WDFY3: variants seen among roughly 807,000 people sequenced by gnomAD.
WDFY3 encodes the protein WD repeat and FYVE domain containing 3.
In WDFY3, 66 loss-of-function variants were observed where a neutral mutation model predicts 409.6. That is an observed-to-expected ratio of 0.16 (90% CI 0.13 to 0.20). The LOEUF is 0.20. Ranked by LOEUF, WDFY3 falls within the 10% of genes least tolerant of loss-of-function variation. WDFY3 has a pLI of 1.00. For missense variants in WDFY3, 3,031 were observed against 4,298.1 expected, an observed-to-expected ratio of 0.71 and a Z score of 8.24; for synonymous variants, 1,521 against 1,537.1, an observed-to-expected ratio of 0.99 and a Z score of 0.25.
At chr4:84,840,243 G>A (rs1438081491) in intron 6 of WDFY3, among the ~76,000 whole-genome samples, 1 of 152,092 alleles carries the variant, frequency 6.6e-6, no homozygotes, top group Non-Finnish European at 1.5e-5. Context: ...ATGAGCACAT[G>A]CAACATATTT....
At chr4:84,704,285 T>G in intron 55 of WDFY3, 53 bp downstream of exon 55, 1 of 1,290,564 alleles carries the variant, frequency 7.7e-7, no homozygotes, top group Non-Finnish European at 1.1e-6. Context: ...GGTGACATTT[T>G]AGATAGAAGT....
chr4:84,873,773 G>T (rs1478189729), intron 3 of WDFY3, among the ~76,000 whole-genome samples: 1 of 149,724 alleles, frequency 6.7e-6, no homozygotes, highest in Non-Finnish European at 1.5e-5. Flanking sequence ...GTTTTTTTGT[G>T]TTTTTTTTTT....
At chr4:84,806,693 G>A (rs140104694) in intron 15 of WDFY3, among the ~76,000 whole-genome samples, 91 of 152,074 alleles carry the variant, frequency 6.0e-4, no homozygotes, top group Non-Finnish European at 1.0e-3. Context: ...TGCAACCTCC[G>A]CCTCCTTCGT....
In WDFY3 at chr4:84,740,351, C is replaced by T; in HGVS notation, c.6300G>A (p.Leu2100=). The T allele has an allele frequency of 1.2e-6, 2 of 1,614,070 alleles. No homozygotes were observed. Among genetic ancestry groups the T allele is most frequent in the Non-Finnish European group, 1.7e-6 (2 of 1,180,014 alleles). The change falls in exon 39 of 68, where the codon TTG becomes TTA. Residue 2100 remains leucine (L), a synonymous_variant. Coordinates refer to ENST00000295888, the MANE Select transcript of WDFY3 (RefSeq NM_014991.6). ...TTTTGTGTGCCCGTGAGAACTGGTACAAGATGGTCCTATTGAGGCAATGAT... is the reference window on the plus strand; with the variant it reads ...TTTTGTGTGCCCGTGAGAACTGGTATAAGATGGTCCTATTGAGGCAATGAT... ...AVYHCLNRTI[L]YQFSRAHKTV...
intron 23 of WDFY3, among the ~76,000 whole-genome samples, chr4:84,786,396 A>C (rs1747554189): frequency 6.6e-6 from 1 of 152,210 alleles, no homozygotes; most frequent in Non-Finnish European, 1.5e-5. Context: ...AACGTAAAGG[A>C]TGAAAAGTTT....
intron 35 of WDFY3, among the ~76,000 whole-genome samples, chr4:84,753,317 TA>T (rs963506610): frequency 5.9e-5 from 9 of 152,186 alleles, no homozygotes; most frequent in Non-Finnish European, 1.3e-4. Context: ...ACCTACTTCC[TA>T]AAATAAAAAA....
chr4:84,947,698 C>A (rs935675915), intron 1 of WDFY3, among the ~76,000 whole-genome samples: 1 of 146,140 alleles, frequency 6.8e-6, no homozygotes, highest in Non-Finnish European at 1.5e-5. Flanking sequence ...TATCAAAAAA[C>A]CCCACATCTA....
At chr4:84,939,775 T>C (rs1771884901) in intron 1 of WDFY3, among the ~76,000 whole-genome samples, 1 of 152,024 alleles carries the variant, frequency 6.6e-6, no homozygotes, top group African/African-American at 2.4e-5. Flanking sequence ...CAGGCTCACA[T>C]GGTATGTGCC....
intron 50 of WDFY3, among the ~76,000 whole-genome samples, chr4:84,714,239 A>G (rs1009418024): frequency 6.6e-6 from 1 of 152,054 alleles, no homozygotes; most frequent in Non-Finnish European, 1.5e-5. Context: ...TCCCACCTCA[A>G]CCTGCCATTA....
intron 30 of WDFY3, among the ~76,000 whole-genome samples, chr4:84,770,033 C>CTT (rs1365018352): frequency 2.1e-5 from 3 of 145,906 alleles, no homozygotes; most frequent in Non-Finnish European, 1.5e-5. Context: ...GAGTTATATA[C>CTT]TTTTTTTTTT....
In WDFY3 at chr4:84,828,488, AGCTAC is replaced by A. The variant is rs1221466264; in HGVS notation, c.956+511_956+515del. ...TAGTTTATCTAAATTCTTCTCCCTC[AGCTAC>A]TAAAGAGCAGATTTATGCTTCATAT... On this transcript the variant is annotated intron_variant, in intron 9 of 67. Transcript: ENST00000295888. 2.6e-5 allele frequency among the ~76,000 whole-genome samples: 4 copies of A among 152,216 alleles called. No homozygotes were observed. In the East Asian group the frequency reaches 7.7e-4, roughly 29 times the overall value.
intron 13 of WDFY3, among the ~76,000 whole-genome samples, chr4:84,814,485 T>C (rs989266953): frequency 2.0e-5 from 3 of 152,122 alleles, no homozygotes; most frequent in African/African-American, 7.2e-5. Context: ...GAAACAACAA[T>C]TCAAAAGTCT....
At chr4:84,791,961 C>G (rs1334091440) in intron 21 of WDFY3, among the ~76,000 whole-genome samples, 1 of 151,948 alleles carries the variant, frequency 6.6e-6, no homozygotes, top group Non-Finnish European at 1.5e-5. Flanking sequence ...TAACAAATGG[C>G]AAGACAGCGG....
At chr4:84,778,467 T>C (rs373127581) in intron 27 of WDFY3, 36 bp downstream of exon 27, 5 of 1,489,598 alleles carry the variant, frequency 3.4e-6, no homozygotes, top group Non-Finnish European at 4.5e-6. Context: ...AATGCATTCA[T>C]TGATTATATA....
chr4:84,699,366 T>A (rs1308230488), intron 56 of WDFY3, among the ~76,000 whole-genome samples: 5 of 152,230 alleles, frequency 3.3e-5, no homozygotes, highest in Non-Finnish European at 7.3e-5. Flanking sequence ...TGAGGTTCAA[T>A]CACATTGTAG....
At chr4:84,747,526 G>A (rs1465964591) in intron 36 of WDFY3, among the ~76,000 whole-genome samples, 1 of 152,136 alleles carries the variant, frequency 6.6e-6, no homozygotes, top group African/African-American at 2.4e-5. Context: ...TTGGCATAGA[G>A]TCCAGTGAAC....
intron 5 of WDFY3, 158 bp downstream of exon 5, chr4:84,849,744 C>A (rs541910614): frequency 3.9e-6 from 4 of 1,032,616 alleles, no homozygotes; most frequent in East Asian, 5.6e-5. Context: ...ATGCTGAAAC[C>A]AGGAAAAGAA....
intron 1 of WDFY3, among the ~76,000 whole-genome samples, chr4:84,959,866 G>A (rs1048665732): frequency 1.3e-5 from 2 of 151,994 alleles, no homozygotes; most frequent in African/African-American, 4.8e-5. Context: ...ACTTAACTAG[G>A]AATAAACATT....
In WDFY3 at chr4:84,718,475, T is replaced by C. The variant is rs893499261; in HGVS notation, c.7701A>G (p.Gly2567=). The stretch of plus-strand genomic sequence containing the variant: ...TTTCCCTGGTTGCTGTCATGGTAAA[T>C]CCATCAATCACATAAAAATGCTCTT... ...FGKEHFYVID[G]FTMTATREIR... is the part of the protein sequence containing the mutation. The change falls in exon 48 of 68, where the codon GGA becomes GGG. Residue 2567 remains glycine (G), a synonymous_variant. Transcript: ENST00000295888. 6.2e-7 allele frequency: 1 copy of C among 1,613,860 alleles called. No homozygotes were observed. Among genetic ancestry groups the C allele is most frequent in the African/African-American group, 1.3e-5 (1 of 74,916 alleles).
Sources: allele counts gnomAD v4.1 joint callset (sites outside exome capture counted in the v4.1 genomes callset), GRCh38; gene constraint gnomAD v4.1.1; transcripts MANE v1.5; gene names NCBI Gene and HGNC (gene_info 2026-07-23, HGNC 2026-07-21).